Variants in CDH18 observed in about 807,000 individuals in gnomAD.
CDH18 encodes cadherin-18.
Under a neutral mutation model 67.9 loss-of-function variants are expected in CDH18, and 31 were observed. The observed-to-expected ratio is 0.46, with a 90% CI of 0.34 to 0.62. The LOEUF is 0.62. Among genes scored for constraint, CDH18 ranks in the 20% least tolerant of loss-of-function variants. The pLI is 0.01. For synonymous variants in CDH18, 362 were observed against 347.2 expected (o/e 1.04, Z -0.48); for missense variants, 890 against 975.5 (o/e 0.91, Z 1.17).
intron 2 of CDH18, among the ~76,000 whole-genome samples, chr5:19,940,247 GTAA>G (rs1794680833): frequency 6.6e-6 from 1 of 151,190 alleles, no homozygotes; most frequent in East Asian, 1.9e-4. Flanking sequence ...AGTATTTATA[GTAA>G]TAATAATATA....
intron 2 of CDH18, among the ~76,000 whole-genome samples, chr5:20,171,738 A>T (rs528804323): frequency 1.8e-4 from 27 of 151,888 alleles, no homozygotes; most frequent in African/African-American, 5.3e-4. Context: ...CCATTTGTCA[A>T]TTTTTCCTTT....
intron 5 of CDH18, among the ~76,000 whole-genome samples, chr5:19,625,533 G>A (rs940286833): frequency 1.3e-5 from 2 of 152,104 alleles, no homozygotes; most frequent in Non-Finnish European, 2.9e-5. Context: ...TGGCAGGGTT[G>A]CTTTCTTCTT....
At chr5:20,035,587 C>A (rs1244355360) in intron 2 of CDH18, among the ~76,000 whole-genome samples, 2 of 151,880 alleles carry the variant, frequency 1.3e-5, no homozygotes, top group Admixed American at 6.6e-5. Context: ...ACCATCAGAT[C>A]TCATAAGAAC....
intron 11 of CDH18, among the ~76,000 whole-genome samples, chr5:19,499,534 A>G (rs555833113): frequency 1.8e-4 from 28 of 152,112 alleles, no homozygotes; most frequent in African/African-American, 6.7e-4. Context: ...TCAAAACTAT[A>G]ATTTTATTTT....
rs142286468 is a variant in CDH18 at position 20,532,791 on chromosome 5, T to C, written c.-580+42671A>G. ...TTCCAATAGGTTTTACAATAATCCATTGTTTAGTTAACCATAAATAATCTC... is the reference window on the plus strand; with the variant it reads ...TTCCAATAGGTTTTACAATAATCCACTGTTTAGTTAACCATAAATAATCTC... On this transcript the variant is annotated intron_variant, in intron 1 of 14. Transcript: ENST00000507958. Among the ~76,000 whole-genome samples the C allele has an allele frequency of 9.7e-4, 147 of 152,270 alleles. 1 individual carries two copies. The highest frequency in any genetic ancestry group is 6.2e-3 in the South Asian group (30 of 4,826).
At chr5:20,067,783 G>C (rs1303871459) in intron 2 of CDH18, among the ~76,000 whole-genome samples, 2 of 152,016 alleles carry the variant, frequency 1.3e-5, no homozygotes, top group Non-Finnish European at 1.5e-5. Flanking sequence ...CCATTATATA[G>C]GTCTCTGTAT....
chr5:19,974,815 G>A (rs1798353045), intron 2 of CDH18, among the ~76,000 whole-genome samples: 2 of 152,128 alleles, frequency 1.3e-5, no homozygotes, highest in Non-Finnish European at 2.9e-5. Context: ...GAGCCCATCA[G>A]CTGGGATCCA....
At chr5:20,441,307 G>A (rs1016595031) in intron 1 of CDH18, among the ~76,000 whole-genome samples, 1 of 151,908 alleles carries the variant, frequency 6.6e-6, no homozygotes, top group Admixed American at 6.5e-5. Flanking sequence ...TTATTTCACA[G>A]TTATGCTGCC....
intron 1 of CDH18, among the ~76,000 whole-genome samples, chr5:20,501,569 A>AATATATATATATT (rs1379746086): frequency 1.3e-3 from 21 of 16,190 alleles, no homozygotes; most frequent in Non-Finnish European, 2.4e-3. Context: ...ATATATATAT[A>AATATATATATATT]ATATATATAT....
chr5:19,718,747 C>T (rs575262843), intron 5 of CDH18, among the ~76,000 whole-genome samples: 21 of 152,006 alleles, frequency 1.4e-4, no homozygotes, highest in Admixed American at 7.2e-4. Flanking sequence ...GATATTAACA[C>T]ACATCAAAGT....
At chr5:19,787,809 TTATA>T (rs35850823) in intron 3 of CDH18, among the ~76,000 whole-genome samples, 6 of 144,398 alleles carry the variant, frequency 4.2e-5, no homozygotes, top group East Asian at 2.0e-4. Flanking sequence ...TAATTTACAG[TTATA>T]TATATATATA....
intron 3 of CDH18, among the ~76,000 whole-genome samples, chr5:19,793,432 G>C (rs1164861059): frequency 6.6e-6 from 1 of 152,102 alleles, no homozygotes; most frequent in African/African-American, 2.4e-5. Context: ...GCAAATATTT[G>C]TTGCCCCAGA....
chr5:20,388,864 G>A (rs572455630), intron 1 of CDH18, among the ~76,000 whole-genome samples: 3 of 152,234 alleles, frequency 2.0e-5, no homozygotes, highest in Non-Finnish European at 4.4e-5. Context: ...CGGTTTTGAA[G>A]AGTGAGTTTC....
intron 1 of CDH18, among the ~76,000 whole-genome samples, chr5:20,552,035 A>G (rs1376184793): frequency 6.6e-6 from 1 of 152,202 alleles, no homozygotes; most frequent in Non-Finnish European, 1.5e-5. Flanking sequence ...AAGTAAACAA[A>G]TTGAGTTTGA....
chr5:19,842,109 A>G (rs1294003750), intron 2 of CDH18, among the ~76,000 whole-genome samples: 3 of 152,238 alleles, frequency 2.0e-5, no homozygotes, highest in African/African-American at 4.8e-5. Flanking sequence ...AGACCAATAC[A>G]ATAGAAATAT....
rs547057239 is a variant in CDH18 at position 20,175,107 on chromosome 5, A to G, written c.-518+80337T>C. Among the ~76,000 whole-genome samples the G allele has an allele frequency of 3.3e-5, 5 of 152,244 alleles. No homozygotes were observed. The South Asian group carries it at 1.0e-3, about 32-fold the overall frequency. The stretch of plus-strand genomic sequence containing the variant: ...CACTTAAGTCATAGTGTTAATGAGA[A>G]TCCGAGAAAGAGGGTAGGGGAGGAA... On this transcript the variant is annotated intron_variant, in intron 2 of 14. Transcript: ENST00000507958.
intron 2 of CDH18, among the ~76,000 whole-genome samples, chr5:19,910,358 A>G (rs1790997888): frequency 6.6e-6 from 1 of 152,128 alleles, no homozygotes; most frequent in South Asian, 2.1e-4. Flanking sequence ...AAACAAGCAC[A>G]TTTTCCTTAA....
At position 19,479,866 on chromosome 5, in the gene CDH18, T is replaced by C. The variant is rs1460494720; in HGVS notation, c.1882+3435A>G. Among the ~76,000 whole-genome samples, 3 of 152,168 alleles carry C rather than the reference T, an allele frequency of 2.0e-5. No homozygotes were observed. In the East Asian group the frequency reaches 5.8e-4, roughly 29 times the overall value. On this transcript the variant is annotated intron_variant, in intron 12 of 12. Coordinates refer to ENST00000382275, the MANE Select transcript of CDH18 (RefSeq NM_004934.5). The stretch of plus-strand genomic sequence containing the variant: ...AAGTAAACATATCATATAGTAACTT[T>C]ATTAGTCTTGAGGGATATAATAAAA...
At chr5:19,594,652 G>C (rs1247332328) in intron 6 of CDH18, among the ~76,000 whole-genome samples, 1 of 152,084 alleles carries the variant, frequency 6.6e-6, no homozygotes, top group Non-Finnish European at 1.5e-5. Flanking sequence ...GTTGCCTCCA[G>C]CTTTGTTCTT....
Sources: allele counts gnomAD v4.1 joint callset (sites outside exome capture counted in the v4.1 genomes callset), GRCh38; gene constraint gnomAD v4.1.1; transcripts MANE v1.5; gene names NCBI Gene and HGNC (gene_info 2026-07-23, HGNC 2026-07-21).